The following SLC24A2 variants were observed in gnomAD, a reference collection of about 807,000 sequenced individuals.
SLC24A2 encodes the protein solute carrier family 24 member 2.
SLC24A2 carries 36 observed loss-of-function variants against 62.0 expected under a neutral mutation model. The ratio of observed to expected loss-of-function variants is 0.58; its 90% confidence interval spans 0.44 to 0.77. SLC24A2 has a LOEUF of 0.77. Among genes scored for constraint, SLC24A2 ranks in the 30% least tolerant of loss-of-function variants. The pLI is 0.00. For missense variants in SLC24A2, 846 were observed against 817.9 expected (o/e 1.03, Z -0.42); for synonymous variants, 358 against 294.0 (o/e 1.22, Z -2.23).
the SLC24A2 span, among the ~76,000 whole-genome samples, chr9:19,859,167 T>C: frequency 1.3e-5 from 2 of 152,168 alleles, no homozygotes; most frequent in African/African-American, 4.8e-5. Flanking sequence ...TATGCAGCCA[T>C]ATAAAAGAAT....
intron 5 of SLC24A2, among the ~76,000 whole-genome samples, chr9:19,591,281 C>G (rs940922913): frequency 3.9e-5 from 6 of 152,210 alleles, no homozygotes; most frequent in African/African-American, 1.4e-4. Context: ...TTAAATTTAA[C>G]ATGAGTGCTC....
At chr9:19,787,247 T>C (rs1823202996) in intron 1 of SLC24A2, among the ~76,000 whole-genome samples, 1 of 152,212 alleles carries the variant, frequency 6.6e-6, no homozygotes, top group Non-Finnish European at 1.5e-5. Flanking sequence ...TAGTATGGGA[T>C]GTGGCACTTA....
chr9:19,588,778 C>T (rs764775085), intron 5 of SLC24A2, among the ~76,000 whole-genome samples: 16 of 152,060 alleles, frequency 1.1e-4, no homozygotes, highest in East Asian at 1.9e-4. Flanking sequence ...CTGGTCAACA[C>T]GGTGAAACCC....
the SLC24A2 span, among the ~76,000 whole-genome samples, chr9:20,241,755 G>A: frequency 6.6e-6 from 1 of 152,016 alleles, no homozygotes; most frequent in Admixed American, 6.6e-5. Flanking sequence ...GAGAGGAGTG[G>A]GAGGAGGTTG....
At chr9:19,990,616 C>CAAAAAAAAAAAACAA in the SLC24A2 span, among the ~76,000 whole-genome samples, 1 of 45,130 alleles carries the variant, frequency 2.2e-5, no homozygotes, top group African/African-American at 9.4e-5. Context: ...CCTAAAAAAA[C>CAAAAAAAAAAAACAA]AAAAAAAAAA....
chr9:20,049,598 T>C, the SLC24A2 span, among the ~76,000 whole-genome samples: 2 of 140,922 alleles, frequency 1.4e-5, no homozygotes, highest in African/African-American at 2.7e-5. Flanking sequence ...ACTAAGTATT[T>C]ACAAAAGAAA....
the SLC24A2 span, among the ~76,000 whole-genome samples, chr9:20,306,690 TTC>T: frequency 1.3e-5 from 2 of 152,192 alleles, no homozygotes; most frequent in Non-Finnish European, 2.9e-5. Flanking sequence ...TAATGTTATT[TTC>T]TTTTTTTGTT....
At chr9:20,118,495 G>A in the SLC24A2 span, among the ~76,000 whole-genome samples, 1 of 152,012 alleles carries the variant, frequency 6.6e-6, no homozygotes, top group African/African-American at 2.4e-5. Flanking sequence ...GTTGGACATT[G>A]TGGATTCACT....
chr9:19,985,209 A>G, the SLC24A2 span, among the ~76,000 whole-genome samples: 1 of 152,222 alleles, frequency 6.6e-6, no homozygotes, highest in Non-Finnish European at 1.5e-5. Context: ...ACATGTATTT[A>G]CCATATGATT....
chr9:20,268,647 C>A, the SLC24A2 span, among the ~76,000 whole-genome samples: 194 of 152,318 alleles, frequency 1.3e-3, no homozygotes, highest in Non-Finnish European at 2.3e-3. Context: ...GCCTCCATAA[C>A]TGTGACAAAT....
chr9:19,576,442 ACT>A (rs1346138379), intron 6 of SLC24A2, among the ~76,000 whole-genome samples: 1 of 152,070 alleles, frequency 6.6e-6, no homozygotes. Flanking sequence ...TCTCAAAAGG[ACT>A]CTGTCACTCA....
At chr9:19,829,804 TATATATACACACACAC>T in the SLC24A2 span, among the ~76,000 whole-genome samples, 1,890 of 43,374 alleles carry the variant, frequency 0.044, 33 homozygotes, top group African/African-American at 0.1. Context: ...TGTGTATATA[TATATATACACACACAC>T]ACACACACAC....
the SLC24A2 span, among the ~76,000 whole-genome samples, chr9:20,267,246 A>T: frequency 6.6e-6 from 1 of 152,244 alleles, no homozygotes. Context: ...TATTTACATC[A>T]TATAGCAAAT....
intron 8 of SLC24A2, among the ~76,000 whole-genome samples, chr9:19,534,424 G>C (rs1417529415): frequency 6.6e-6 from 1 of 151,930 alleles, no homozygotes. Context: ...TTGTTACTTA[G>C]GTATACATGT....
At chr9:19,973,163 AC>A in the SLC24A2 span, among the ~76,000 whole-genome samples, 3 of 152,108 alleles carry the variant, frequency 2.0e-5, no homozygotes, top group Admixed American at 2.0e-4. Flanking sequence ...CACAATGAGA[AC>A]CCCATTTCTA....
At chr9:19,589,410 GA>G (rs1259151894) in intron 5 of SLC24A2, among the ~76,000 whole-genome samples, 2 of 152,338 alleles carry the variant, frequency 1.3e-5, no homozygotes, top group African/African-American at 4.8e-5. Context: ...GGAATGGATG[GA>G]ATCTGGGGTA....
chr9:19,744,751 A>G (rs749813431), intron 2 of SLC24A2, among the ~76,000 whole-genome samples: 1 of 152,194 alleles, frequency 6.6e-6, no homozygotes, highest in Admixed American at 6.5e-5. Context: ...AGCCCCAACT[A>G]TAAGTTTCAC....
chr9:19,788,772 G>C (rs561815067), intron 1 of SLC24A2, 113 bp downstream of exon 1: 3 of 985,394 alleles, frequency 3.0e-6, no homozygotes, highest in Middle Eastern at 5.2e-4. Flanking sequence ...CCACATCCAC[G>C]GCAGAGCCAC....
At chr9:19,596,034 G>T (rs1836694870) in intron 5 of SLC24A2, among the ~76,000 whole-genome samples, 1 of 152,132 alleles carries the variant, frequency 6.6e-6, no homozygotes, top group Non-Finnish European at 1.5e-5. Context: ...TCCTAGTAGT[G>T]GTCTGCTGCT....
Sources: gnomAD v4.1 joint callset for allele counts (sites outside exome capture counted in the v4.1 genomes callset) on GRCh38, gnomAD v4.1.1 for gene constraint, MANE v1.5 for transcripts, NCBI Gene and HGNC (gene_info 2026-07-23, HGNC 2026-07-21) for gene names.